The following ZCCHC7 variants were observed in gnomAD, a reference collection of about 807,000 sequenced individuals.
The protein encoded by ZCCHC7 is zinc finger CCHC-type containing 7.
ZCCHC7 carries 35 observed loss-of-function variants against 52.0 expected under a neutral mutation model. That is an observed-to-expected ratio of 0.67 (90% CI 0.51 to 0.89). The LOEUF (loss-of-function observed/expected upper bound fraction) is 0.89. ZCCHC7 is among the 40% of genes least tolerant of loss of function. The pLI is 0.00. For synonymous variants in ZCCHC7, 217 were observed against 221.5 expected (o/e 0.98, Z 0.18); for missense variants, 574 against 649.1 (o/e 0.88, Z 1.26).
chr9:37,285,464 T>A (rs538398257), intron 2 of ZCCHC7, among the ~76,000 whole-genome samples: 1 of 152,296 alleles, frequency 6.6e-6, no homozygotes, highest in African/African-American at 2.4e-5. Flanking sequence ...CTTCGTCTCT[T>A]ATTTTTCTAT....
Position 37,246,218 on chromosome 9 carries a change from T to G in ZCCHC7, c.611-55970T>G, listed in dbSNP as rs567996526. Among the ~76,000 whole-genome samples the G allele has an allele frequency of 2.6e-5, 4 of 152,258 alleles. No individual in the cohort carries two copies. The South Asian group carries it at 8.3e-4, about 32-fold the overall frequency. The stretch of plus-strand genomic sequence containing the variant: ...AGTTTGAAAGTGGACAAATAATAGT[T>G]TGTTTTTAACATTTGATTTGAGGTG... On this transcript the variant is annotated intron_variant, in intron 2 of 8. Coordinates refer to ENST00000336755, the MANE Select transcript of ZCCHC7 (RefSeq NM_032226.3).
chr9:37,166,158 A>T lies in ZCCHC7; in HGVS notation c.610+39216A>T, dbSNP rs140205779. On this transcript the variant is annotated intron_variant, in intron 2 of 8. Transcript: ENST00000336755. Reference sequence around the variant, plus strand: ...ACGCCTGTAATCCCAGCACTTTGGGAGGCTGAGGTGGGCGGATCACGAGGT... The same window carrying T: ...ACGCCTGTAATCCCAGCACTTTGGGTGGCTGAGGTGGGCGGATCACGAGGT... Among the ~76,000 whole-genome samples, 146 of 151,916 alleles carry T rather than the reference A, an allele frequency of 9.6e-4. 1 individual carries two copies. The highest frequency in any genetic ancestry group is 3.4e-3 in the African/African-American group (141 of 41,436).
intron 6 of ZCCHC7, among the ~76,000 whole-genome samples, chr9:37,345,576 C>T (rs1820906063): frequency 1.3e-5 from 2 of 152,056 alleles, no homozygotes; most frequent in African/African-American, 4.8e-5. Flanking sequence ...AAAAATTAGC[C>T]AGGCGTGCTG....
intron 2 of ZCCHC7, among the ~76,000 whole-genome samples, chr9:37,210,241 G>A (rs1429653341): frequency 1.3e-5 from 2 of 152,144 alleles, no homozygotes; most frequent in African/African-American, 4.8e-5. Flanking sequence ...CTGACAGTTG[G>A]TGTGACTGCT....
intron 2 of ZCCHC7, among the ~76,000 whole-genome samples, chr9:37,202,627 T>C (rs555001776): frequency 6.6e-6 from 1 of 152,248 alleles, no homozygotes; most frequent in South Asian, 2.1e-4. Context: ...GACTCAGTTG[T>C]GAGCCACCAT....
intron 2 of ZCCHC7, among the ~76,000 whole-genome samples, chr9:37,281,300 G>C (rs1827947025): frequency 6.6e-6 from 1 of 152,164 alleles, no homozygotes; most frequent in African/African-American, 2.4e-5. Flanking sequence ...ACAGGCATGA[G>C]CCACCACACC....
chr9:37,299,889 A>G (rs963985678), intron 2 of ZCCHC7, among the ~76,000 whole-genome samples: 7 of 152,350 alleles, frequency 4.6e-5, no homozygotes, highest in African/African-American at 1.4e-4. Flanking sequence ...TTCGAACTTC[A>G]TAGGTCTGCC....
chr9:37,124,092 G>T (rs1427634001), intron 1 of ZCCHC7, among the ~76,000 whole-genome samples: 2 of 152,104 alleles, frequency 1.3e-5, no homozygotes, highest in Admixed American at 1.3e-4. Flanking sequence ...CAACACCCTG[G>T]TATTTTTGGG....
At chr9:37,248,309 T>C (rs956746121) in intron 2 of ZCCHC7, among the ~76,000 whole-genome samples, 1 of 152,210 alleles carries the variant, frequency 6.6e-6, no homozygotes, top group African/African-American at 2.4e-5. Flanking sequence ...CTTTTCCTAT[T>C]ATACCACCCT....
At chr9:37,150,520 G>A (rs1343166860) in intron 2 of ZCCHC7, among the ~76,000 whole-genome samples, 1 of 152,162 alleles carries the variant, frequency 6.6e-6, no homozygotes, top group Non-Finnish European at 1.5e-5. Flanking sequence ...CAGTCAGATT[G>A]TATCACAGAA....
chr9:37,120,684 T>C lies in ZCCHC7; in HGVS notation c.-22+61T>C, dbSNP rs941438834. The stretch of plus-strand genomic sequence containing the variant: ...GCTCGGGACCCCTGCCTACCCTCCT[T>C]CTTGCCCGCCGGGCTGTGGAACTAG... On this transcript the variant is annotated intron_variant, in intron 1 of 8. Coordinates refer to ENST00000336755, the MANE Select transcript of ZCCHC7 (RefSeq NM_032226.3). 128 of 378,430 alleles carry C rather than the reference T, an allele frequency of 3.4e-4. 2 individuals carry two copies. Among genetic ancestry groups the C allele is most frequent in the Non-Finnish European group, 5.6e-5 (12 of 212,638 alleles). The allele number at this position is 378,430 out of a possible 1,614,324, so 23.4% of individuals were successfully genotyped here.
intron 2 of ZCCHC7, among the ~76,000 whole-genome samples, chr9:37,151,306 A>G (rs764891989): frequency 6.6e-6 from 1 of 152,162 alleles, no homozygotes; most frequent in Non-Finnish European, 1.5e-5. Flanking sequence ...TCAGAAAGAA[A>G]TTGCTAGAAT....
chr9:37,193,323 TAC>T (rs1050693124), intron 2 of ZCCHC7, among the ~76,000 whole-genome samples: 10 of 152,172 alleles, frequency 6.6e-5, no homozygotes, highest in Non-Finnish European at 1.5e-5. Flanking sequence ...CGGTTATTAG[TAC>T]ACTTTTGTAC....
intron 2 of ZCCHC7, among the ~76,000 whole-genome samples, chr9:37,260,803 C>T (rs571785647): frequency 6.6e-6 from 1 of 152,294 alleles, no homozygotes; most frequent in East Asian, 1.9e-4. Context: ...GCTGAACTCC[C>T]TGGCAGCCAG....
intron 2 of ZCCHC7, among the ~76,000 whole-genome samples, chr9:37,226,906 T>C (rs1246708573): frequency 1.3e-5 from 2 of 151,582 alleles, no homozygotes; most frequent in Non-Finnish European, 2.9e-5. Context: ...GGTGGGCGCC[T>C]GTAGTCCCAG....
chr9:37,193,900 C>T (rs1406916452), intron 2 of ZCCHC7, among the ~76,000 whole-genome samples: 1 of 152,162 alleles, frequency 6.6e-6, no homozygotes, highest in African/African-American at 2.4e-5. Flanking sequence ...GAAGCTTGTC[C>T]TGTGTGACCC....
chr9:37,158,087 C>T (rs1047248840), intron 2 of ZCCHC7, among the ~76,000 whole-genome samples: 1 of 152,180 alleles, frequency 6.6e-6, no homozygotes, highest in Non-Finnish European at 1.5e-5. Context: ...TGTGGCCTGC[C>T]ACTCTTGATT....
intron 1 of ZCCHC7, among the ~76,000 whole-genome samples, chr9:37,123,615 T>C (rs114889963): frequency 0.051 from 7,701 of 152,286 alleles, 634 homozygotes; most frequent in African/African-American, 0.17. Flanking sequence ...GCAAGAGTAG[T>C]ACAAACTTGT....
At chr9:37,120,797 C>A (rs769138747) in intron 1 of ZCCHC7, 174 bp downstream of exon 1, 1 of 317,632 alleles carries the variant, frequency 3.1e-6, no homozygotes. Context: ...TGCGCGCCGC[C>A]CCACGCGGCC....
Sources: allele counts gnomAD v4.1 joint callset (sites outside exome capture counted in the v4.1 genomes callset), GRCh38; gene constraint gnomAD v4.1.1; transcripts MANE v1.5; gene names NCBI Gene and HGNC (gene_info 2026-07-23, HGNC 2026-07-21).